Variants in COL14A1 observed in about 807,000 individuals in gnomAD.
The protein encoded by COL14A1 is collagen alpha-1(XIV) chain.
Under a neutral mutation model 230.3 loss-of-function variants are expected in COL14A1, and 136 were observed. The observed-to-expected ratio is 0.59, with a 90% CI of 0.51 to 0.68. The LOEUF (loss-of-function observed/expected upper bound fraction) is 0.68, where lower values mean the gene tolerates loss of function less well. Ranked by LOEUF, COL14A1 falls within the 30% of genes least tolerant of loss-of-function variation. The pLI is 0.00. For synonymous variants in COL14A1, 792 were observed against 784.1 expected (o/e 1.01, Z -0.17); for missense variants, 1,976 against 2,215.8 (o/e 0.89, Z 2.17).
At chr8:120,195,683 G>A (rs561824040) in intron 5 of COL14A1, among the ~76,000 whole-genome samples, 1 of 152,154 alleles carries the variant, frequency 6.6e-6, no homozygotes, top group Admixed American at 6.5e-5. Context: ...CGTGTGCAGA[G>A]GGAATCTCCC....
chr8:120,141,585 A>G (rs573405079), intron 1 of COL14A1, among the ~76,000 whole-genome samples: 1 of 152,294 alleles, frequency 6.6e-6, no homozygotes, highest in Non-Finnish European at 1.5e-5. Flanking sequence ...AGGGTTTTAA[A>G]GATAAGCTAT....
intron 26 of COL14A1, among the ~76,000 whole-genome samples, chr8:120,272,492 C>A (rs1819698559): frequency 6.6e-6 from 1 of 151,494 alleles, no homozygotes; most frequent in Non-Finnish European, 1.5e-5. Flanking sequence ...TTAAAAGATG[C>A]AGATTAGAAG....
chr8:120,202,538 C>T (rs976650048), intron 8 of COL14A1, among the ~76,000 whole-genome samples: 6 of 152,170 alleles, frequency 3.9e-5, no homozygotes, highest in African/African-American at 1.4e-4. Flanking sequence ...GGGAAATCTA[C>T]TTCATACCCA....
Position 120,243,904 on chromosome 8 carries a change from A to T in COL14A1, c.2375A>T (p.Asn792Ile). Residue 792 changes from asparagine (N) to isoleucine (I), a missense_variant, in exon 20 of 48, where the codon AAC (asparagine) becomes ATC (isoleucine). By Grantham distance (149) the Asn-to-Ile change is moderately radical. Around this residue, in one of 3 missense-constraint regions of COL14A1, gnomAD observed 1,791 missense variants for 2,019.5 expected, o/e 0.89. Transcript: ENST00000297848. ...GTTATGGTGCCTGGAAGCCAGAACA[A>T]CCTCCTTCTGAAGCCTCTGCTTCCT... is the stretch of plus-strand genomic sequence containing the variant. ...GTVMVPGSQNNLLLKPLLPDT... is the reference protein window; with the variant it reads ...GTVMVPGSQNILLLKPLLPDT... 1 of 1,613,588 alleles carries T rather than the reference A, an allele frequency of 6.2e-7. No individual in the cohort carries two copies. Among genetic ancestry groups the T allele is most frequent in the Non-Finnish European group, 8.5e-7 (1 of 1,179,662 alleles).
rs139681285 is a variant in COL14A1, at chr8:120,266,245, A to G, written c.3017-582A>G. 8.5e-3 allele frequency among the ~76,000 whole-genome samples: 1,293 copies of G among 152,152 alleles called. 12 individuals are homozygous for G. Among genetic ancestry groups the G allele is most frequent in the South Asian group, 0.026 (124 of 4,820 alleles). ...TAACCAAGCCATACCTCTGCAGAGT[A>G]TGTGGACTTCTCATCCCACATAATC... On this transcript the variant is annotated intron_variant, in intron 24 of 47. Coordinates refer to ENST00000297848, the MANE Select transcript of COL14A1 (RefSeq NM_021110.4).
chr8:120,239,824 T>C (rs1818559089), intron 19 of COL14A1, among the ~76,000 whole-genome samples: 1 of 113,578 alleles, frequency 8.8e-6, no homozygotes, highest in African/African-American at 4.2e-5. Context: ...GTTTTGTTTC[T>C]GTTTTTTGTT....
chr8:120,225,800 C>T (rs1201895405), intron 15 of COL14A1, among the ~76,000 whole-genome samples: 1 of 152,106 alleles, frequency 6.6e-6, no homozygotes, highest in East Asian at 1.9e-4. Context: ...GCTTTCTGAA[C>T]TTATCATGGA....
intron 34 of COL14A1, among the ~76,000 whole-genome samples, chr8:120,295,551 A>G (rs1050870695): frequency 6.6e-6 from 1 of 151,886 alleles, no homozygotes; most frequent in Admixed American, 6.6e-5. Context: ...TTTCTGAATC[A>G]AAACATTTCA....
chr8:120,342,866 A>C (rs1822356077), intron 44 of COL14A1, among the ~76,000 whole-genome samples: 1 of 152,244 alleles, frequency 6.6e-6, no homozygotes, highest in Non-Finnish European at 1.5e-5. Flanking sequence ...TGCAAGATTT[A>C]AATGAATATT....
At chr8:120,367,347 A>G (rs1823439823) in intron 46 of COL14A1, 99 bp downstream of exon 46, 2 of 932,662 alleles carry the variant, frequency 2.1e-6, no homozygotes, top group Middle Eastern at 4.4e-4. Context: ...CTAGTATGTA[A>G]CTTAAATGGC....
At chr8:120,246,287 C>G (rs1473029508) in intron 20 of COL14A1, among the ~76,000 whole-genome samples, 1 of 152,078 alleles carries the variant, frequency 6.6e-6, no homozygotes, top group Non-Finnish European at 1.5e-5. Flanking sequence ...CTAAAAATCA[C>G]CCAGAGTATT....
At chr8:120,194,383 C>T (rs1816952886) in intron 5 of COL14A1, among the ~76,000 whole-genome samples, 1 of 152,112 alleles carries the variant, frequency 6.6e-6, no homozygotes, top group Non-Finnish European at 1.5e-5. Context: ...TTAATGGTGT[C>T]ATAAGCACCC....
intron 8 of COL14A1, among the ~76,000 whole-genome samples, chr8:120,201,502 T>C (rs1428320243): frequency 6.6e-6 from 1 of 152,182 alleles, no homozygotes; most frequent in African/African-American, 2.4e-5. Flanking sequence ...AATATTTACA[T>C]TTACCAGCAC....
intron 14 of COL14A1, among the ~76,000 whole-genome samples, chr8:120,218,237 A>C (rs1001133243): frequency 7.4e-6 from 1 of 134,298 alleles, no homozygotes; most frequent in South Asian, 2.2e-4. Context: ...TAAATATATA[A>C]ATATAAATAT....
At chr8:120,189,542 G>C (rs920884181) in intron 5 of COL14A1, among the ~76,000 whole-genome samples, 1 of 151,246 alleles carries the variant, frequency 6.6e-6, no homozygotes, top group Admixed American at 6.6e-5. Flanking sequence ...GTGCAGGTTA[G>C]TTACATATGT....
chr8:120,132,983 C>T (rs1372417439), intron 1 of COL14A1, among the ~76,000 whole-genome samples: 3 of 152,030 alleles, frequency 2.0e-5, no homozygotes, highest in South Asian at 2.1e-4. Context: ...TTTGGGAGGC[C>T]GAGACGGGCG....
In COL14A1 at chr8:120,373,417, C is replaced by T. The variant is rs534302594; in HGVS notation, c.*2186C>T. ...AAAAATAATAAGTGTAACTCAGATT[C>T]TGGATGTTCGAGTTTACAATACATT... is the stretch of plus-strand genomic sequence containing the variant. On this transcript the variant is annotated 3_prime_UTR_variant, in exon 48 of 48. Coordinates refer to ENST00000297848, the MANE Select transcript of COL14A1 (RefSeq NM_021110.4). Among the ~76,000 whole-genome samples the T allele has an allele frequency of 1.2e-4, 18 of 152,270 alleles. No homozygotes were observed. Among genetic ancestry groups the T allele is most frequent in the African/African-American group, 4.3e-4 (18 of 41,546 alleles).
At chr8:120,225,648 C>T (rs1434248676) in intron 15 of COL14A1, among the ~76,000 whole-genome samples, 1 of 152,098 alleles carries the variant, frequency 6.6e-6, no homozygotes, top group Non-Finnish European at 1.5e-5. Flanking sequence ...CGATGATTTT[C>T]CCCGAGCCTG....
At chr8:120,267,265 A>G (rs574156946) in intron 25 of COL14A1, among the ~76,000 whole-genome samples, 243 of 151,946 alleles carry the variant, frequency 1.6e-3, no homozygotes, top group African/African-American at 5.5e-3. Context: ...CCTCATCACA[A>G]CAGTTCCTCA....
Sources: allele counts gnomAD v4.1 joint callset (sites outside exome capture counted in the v4.1 genomes callset), GRCh38; gene constraint gnomAD v4.1.1; regional missense constraint gnomAD v4.1.1; transcripts MANE v1.5; gene names NCBI Gene and HGNC (gene_info 2026-07-23, HGNC 2026-07-21).